Variants in GALNT13 observed in about 807,000 individuals in gnomAD.
GALNT13 encodes polypeptide N-acetylgalactosaminyltransferase 13, also known as UDP-GalNAc:polypeptide N-acetylgalactosaminyltransferase 13.
GALNT13 carries 28 observed loss-of-function variants against 64.2 expected under a neutral mutation model. That is an observed-to-expected ratio of 0.44 (90% CI 0.32 to 0.60). The LOEUF (loss-of-function observed/expected upper bound fraction) is 0.60, where lower values mean the gene tolerates loss of function less well. Among genes scored for constraint, GALNT13 ranks in the 20% least tolerant of loss-of-function variants. The pLI is 0.05. For missense variants in GALNT13, 577 were observed against 669.8 expected, an observed-to-expected ratio of 0.86 and a Z score of 1.53; for synonymous variants, 214 against 224.6, an observed-to-expected ratio of 0.95 and a Z score of 0.42.
the GALNT13 span, among the ~76,000 whole-genome samples, chr2:153,770,599 A>C: frequency 6.6e-6 from 1 of 152,218 alleles, no homozygotes; most frequent in African/African-American, 2.4e-5. Context: ...TCTCCCAGTA[A>C]ACAAGGATCA....
chr2:153,512,779 GTTA>G, the GALNT13 span, among the ~76,000 whole-genome samples: 1 of 151,982 alleles, frequency 6.6e-6, no homozygotes, highest in Non-Finnish European at 1.5e-5. Flanking sequence ...TATTATTGTT[GTTA>G]TTATTATTAC....
At chr2:153,697,992 AC>A in the GALNT13 span, among the ~76,000 whole-genome samples, 1 of 152,228 alleles carries the variant, frequency 6.6e-6, no homozygotes, top group Non-Finnish European at 1.5e-5. Flanking sequence ...ATCCGGCCAA[AC>A]TAAACTTCAT....
At chr2:153,597,101 A>G in the GALNT13 span, among the ~76,000 whole-genome samples, 1 of 152,156 alleles carries the variant, frequency 6.6e-6, no homozygotes, top group Non-Finnish European at 1.5e-5. Context: ...TTTTTTACAA[A>G]AGGTTTCTAG....
At position 154,396,150 on chromosome 2, in the gene GALNT13, G is replaced by C; in HGVS notation, c.1296+20G>C. 1 of 1,537,876 alleles carries C rather than the reference G, an allele frequency of 6.5e-7. No homozygotes were observed. Among genetic ancestry groups the C allele is most frequent in the Middle Eastern group, 1.7e-4 (1 of 5,790 alleles). ...GGTGAGGTATGAATTATTTATTTTG[G>C]TTAAGTTATAAATATATTTTGCAAA... On this transcript the variant is annotated intron_variant, in intron 10 of 12. Transcript: ENST00000392825.
At chr2:154,416,826 C>G (rs1700029117) in intron 11 of GALNT13, among the ~76,000 whole-genome samples, 1 of 152,092 alleles carries the variant, frequency 6.6e-6, no homozygotes, top group Admixed American at 6.6e-5. Flanking sequence ...TCTGTTCAGT[C>G]TTGATTCTTC....
chr2:154,158,807 T>C (rs2105656622), intron 4 of GALNT13, among the ~76,000 whole-genome samples: 1 of 152,296 alleles, frequency 6.6e-6, no homozygotes, highest in East Asian at 1.9e-4. Context: ...GGCAATGACC[T>C]TGAGCAGTAG....
At chr2:154,188,274 A>G (rs527662522) in intron 4 of GALNT13, among the ~76,000 whole-genome samples, 2 of 152,268 alleles carry the variant, frequency 1.3e-5, no homozygotes, top group African/African-American at 4.8e-5. Flanking sequence ...TGCTTGAACT[A>G]TATGGACTGA....
At chr2:153,202,298 A>G in the GALNT13 span, among the ~76,000 whole-genome samples, 2 of 152,084 alleles carry the variant, frequency 1.3e-5, no homozygotes, top group South Asian at 4.2e-4. Flanking sequence ...CCTTTTATCT[A>G]CATATGCTAC....
intron 4 of GALNT13, among the ~76,000 whole-genome samples, chr2:154,177,321 G>C (rs2105719164): frequency 6.6e-6 from 1 of 152,172 alleles, no homozygotes; most frequent in Non-Finnish European, 1.5e-5. Context: ...ATATATAGTT[G>C]AAACTCTATG....
chr2:154,078,588 G>A (rs1701108132), intron 3 of GALNT13, among the ~76,000 whole-genome samples: 1 of 151,508 alleles, frequency 6.6e-6, no homozygotes, highest in Non-Finnish European at 1.5e-5. Context: ...GAGAAAACAA[G>A]AGTTTTGCCC....
At chr2:153,964,740 AAAAAT>A (rs1693209403) in intron 3 of GALNT13, among the ~76,000 whole-genome samples, 1 of 152,016 alleles carries the variant, frequency 6.6e-6, no homozygotes, top group Admixed American at 6.6e-5. Context: ...CATTGTAGAA[AAAAAT>A]AAAATTAAAA....
chr2:153,660,852 T>C, the GALNT13 span, among the ~76,000 whole-genome samples: 1 of 152,014 alleles, frequency 6.6e-6, no homozygotes, highest in Non-Finnish European at 1.5e-5. Flanking sequence ...TGTGATATAG[T>C]CACATATATT....
chr2:153,223,078 G>A, the GALNT13 span, among the ~76,000 whole-genome samples: 1 of 152,364 alleles, frequency 6.6e-6, no homozygotes, highest in South Asian at 2.1e-4. Flanking sequence ...GGCCGCCGCT[G>A]CCGTCATTTA....
At chr2:154,325,839 A>G (rs1694849444) in intron 9 of GALNT13, among the ~76,000 whole-genome samples, 1 of 152,128 alleles carries the variant, frequency 6.6e-6, no homozygotes, top group Non-Finnish European at 1.5e-5. Flanking sequence ...GCTTAGGCAT[A>G]TAGAGATCAG....
intron 8 of GALNT13, among the ~76,000 whole-genome samples, chr2:154,289,180 A>G (rs1692457611): frequency 1.3e-5 from 2 of 152,300 alleles, no homozygotes; most frequent in South Asian, 4.1e-4. Flanking sequence ...CTCTAAAGCA[A>G]CAGTCTGAGC....
chr2:153,573,860 A>G, the GALNT13 span, among the ~76,000 whole-genome samples: 1 of 152,072 alleles, frequency 6.6e-6, no homozygotes, highest in Non-Finnish European at 1.5e-5. Context: ...TCTACTTATG[A>G]TAAGTGTAGT....
At chr2:154,126,236 A>T (rs1682253658) in intron 3 of GALNT13, among the ~76,000 whole-genome samples, 1 of 152,196 alleles carries the variant, frequency 6.6e-6, no homozygotes, top group South Asian at 2.1e-4. Context: ...GCAAGACTGA[A>T]TTGCAAGGTA....
chr2:153,803,953 A>T, the GALNT13 span, among the ~76,000 whole-genome samples: 3 of 152,122 alleles, frequency 2.0e-5, no homozygotes, highest in Non-Finnish European at 2.9e-5. Context: ...CAAAATGAAC[A>T]AATAGAATTA....
At chr2:154,259,603 T>C (rs1179526185) in intron 8 of GALNT13, among the ~76,000 whole-genome samples, 1 of 152,146 alleles carries the variant, frequency 6.6e-6, no homozygotes, top group East Asian at 1.9e-4. Flanking sequence ...CTAACATTAT[T>C]GTTGGATAAG....
Sources: gnomAD v4.1 joint callset for allele counts (sites outside exome capture counted in the v4.1 genomes callset) on GRCh38, gnomAD v4.1.1 for gene constraint, MANE v1.5 for transcripts, NCBI Gene and HGNC (gene_info 2026-07-23, HGNC 2026-07-21) for gene names.